LRRC26: variants seen among roughly 807,000 people sequenced by gnomAD.
LRRC26 encodes the protein leucine rich repeat containing 26, also known as leucine-rich repeat-containing protein 26.
LRRC26 carries 17 observed loss-of-function variants against 15.3 expected under a neutral mutation model. That is an observed-to-expected ratio of 1.11 (90% confidence interval 0.76 to 1.66). LRRC26 has a LOEUF of 1.66. LRRC26 is among the 40% of genes most tolerant of loss of function. The pLI is 0.00. For synonymous variants in LRRC26, 301 were observed against 272.1 expected (o/e 1.11, Z -1.05); for missense variants, 573 against 501.0 (o/e 1.14, Z -1.37).
rs1428916630 is a variant in LRRC26, at chr9:137,169,986, G to A, written c.-43C>T. Reference sequence around the variant, plus strand: ...CCCCGGCACCCGCGGTGGGAGGCCCGCTGCCTGTGCGTCCCTGGAGCCCGT... The same window carrying A: ...CCCCGGCACCCGCGGTGGGAGGCCCACTGCCTGTGCGTCCCTGGAGCCCGT... On this transcript the variant is annotated 5_prime_UTR_variant, in exon 1 of 2. Transcript: ENST00000371542. 4 of 1,381,948 alleles carry A rather than the reference G, an allele frequency of 2.9e-6. No individual in the cohort carries two copies. The highest frequency in any genetic ancestry group is 3.8e-5 in the Admixed American group (1 of 26,614). 85.6% of individuals were successfully genotyped at this position (1,381,948 alleles called of 1,614,324 possible). A position where few individuals can be genotyped will look rare whatever the true frequency, so the allele number is the denominator to read the frequency against.
chr9:137,169,943 T>TG lies in LRRC26; in HGVS notation c.-1dup. The TG allele has an allele frequency of 7.0e-7, 1 of 1,437,820 alleles. No individual in the cohort carries two copies. Among genetic ancestry groups the TG allele is most frequent in the South Asian group, 1.4e-5 (1 of 70,228 alleles). The allele number at this position is 1,437,820 out of a possible 1,614,324, so 89.1% of individuals were successfully genotyped here. A position where few individuals can be genotyped will look rare whatever the true frequency, so the allele number is the denominator to read the frequency against. On this transcript the variant is annotated 5_prime_UTR_variant, in exon 1 of 2. Coordinates refer to ENST00000371542, the MANE Select transcript of LRRC26 (RefSeq NM_001013653.3). ...GGCCGCGACCAGGAAGGGCCCCGCATGGGGGCAGCCCCCCCGCCCCCGGCA... is the reference window on the plus strand; with the variant it reads ...GGCCGCGACCAGGAAGGGCCCCGCATGGGGGGCAGCCCCCCCGCCCCCGGCA...
Position 137,169,058 on chromosome 9 carries a change from C to G in LRRC26, c.801G>C (p.Thr267=), listed in dbSNP as rs757383437. The change falls in exon 2 of 2, where the codon ACG becomes ACC. Residue 267 remains threonine (T), a synonymous_variant. Transcript: ENST00000371542. ...LALRDLAVVY[T]LGPASFLVSL... is the part of the protein sequence containing the mutation. ...TGACGAGGAAGGAGGCCGGCCCGAG[C>G]GTGTAAACCACGGCCAGGTCCCGCA... 13 of 1,552,282 alleles carry G rather than the reference C, an allele frequency of 8.4e-6. No homozygotes were observed. The highest frequency in any genetic ancestry group is 1.1e-5 in the Non-Finnish European group (13 of 1,156,400).
Position 137,170,022 on chromosome 9 carries a change from G to T in LRRC26, c.-79C>A. 1 of 1,344,276 alleles carries T rather than the reference G, an allele frequency of 7.4e-7. No individual in the cohort carries two copies. Among genetic ancestry groups the T allele is most frequent in the Non-Finnish European group, 9.5e-7 (1 of 1,052,080 alleles). 83.3% of individuals were successfully genotyped at this position (1,344,276 alleles called of 1,614,324 possible). ...GTCCCTGGAGCCCGTCGTCCGCGGA[G>T]CCCGTTCCTGCGGCGCCTGCACAAA... is the stretch of plus-strand genomic sequence containing the variant. On this transcript the variant is annotated 5_prime_UTR_variant, in exon 1 of 2. Coordinates refer to ENST00000371542, the MANE Select transcript of LRRC26 (RefSeq NM_001013653.3).
rs956320619 is a variant in LRRC26, at chr9:137,169,384, A to G, written c.560T>C (p.Leu187Pro). The G allele has an allele frequency of 1.3e-6, 2 of 1,494,846 alleles. No individual in the cohort carries two copies. Among genetic ancestry groups the G allele is most frequent in the South Asian group, 1.3e-5 (1 of 79,562 alleles). The allele number at this position is 1,494,846 out of a possible 1,614,324, so 92.6% of individuals were successfully genotyped here. A position where few individuals can be genotyped will look rare whatever the true frequency, so the allele number is the denominator to read the frequency against. ...NELAALAPGL[L>P]GRLPALDALH... ...CGCGTCTAGAGCGGGCAGGCGGCCC[A>G]GCAGCCCCGGCGCGAGTGCCGCCAG... The change falls in exon 1 of 2, where the codon CTG becomes CCG. Residue 187 changes from leucine to proline, a missense_variant. By Grantham distance (98) the Leu-to-Pro change is moderately conservative. Coordinates refer to ENST00000371542, the MANE Select transcript of LRRC26 (RefSeq NM_001013653.3).
In LRRC26 at chr9:137,169,027, C is replaced by T. The variant is rs1182229764; in HGVS notation, c.832G>A (p.Ala278Thr). ...LGPASFLVSL[A>T]SCLALGSGLT... ...CCAGAGCCCAGCGCCAGGCAGGAAG[C>T]CAGGCTGACGAGGAAGGAGGCCGGC... The change falls in exon 2 of 2, where the codon GCT (alanine) becomes ACT (threonine). Residue 278 changes from alanine to threonine, a missense_variant. Transcript: ENST00000371542. The T allele has an allele frequency of 6.6e-7, 1 of 1,520,238 alleles. No homozygotes were observed. The highest frequency in any genetic ancestry group is 2.7e-5 in the East Asian group (1 of 36,700). The allele number at this position is 1,520,238 out of a possible 1,614,324, so 94.2% of individuals were successfully genotyped here. A position where few individuals can be genotyped will look rare whatever the true frequency, so the allele number is the denominator to read the frequency against.
rs1434634190 is a variant in LRRC26 at position 137,169,609 on chromosome 9, A to G, written c.335T>C (p.Val112Ala). 3.9e-6 allele frequency: 6 copies of G among 1,520,438 alleles called. No individual in the cohort carries two copies. Among genetic ancestry groups the G allele is most frequent in the Non-Finnish European group, 5.3e-6 (6 of 1,140,428 alleles). 94.2% of individuals were successfully genotyped at this position (1,520,438 alleles called of 1,614,324 possible). A position where few individuals can be genotyped will look rare whatever the true frequency, so the allele number is the denominator to read the frequency against. Reference protein sequence around the residue: ...LRENGLHSVHVRAFWGLGALQ... With the variant: ...LRENGLHSVHARAFWGLGALQ... ...CGCGCCCAGGCCCCAGAAGGCTCGC[A>G]CATGCACCGAGTGCAGCCCGTTCTC... Residue 112 changes from valine (V) to alanine (A), a missense_variant, in exon 1 of 2, where the codon GTG becomes GCG. By Grantham distance (64) the Val-to-Ala change is moderately conservative. Transcript: ENST00000371542.
At position 137,169,887 on chromosome 9, in the gene LRRC26, C is replaced by T; in HGVS notation, c.57G>A (p.Leu19=). ...PRPLLLLLLL[L]SPWPVWAQVS... ...CCTGGGCCCAGACAGGCCAAGGCGA[C>T]AGCAGCAGCAACAGCAGCAGCAGCG... The change falls in exon 1 of 2, where the codon CTG becomes CTA. Residue 19 remains leucine, a synonymous_variant. Coordinates refer to ENST00000371542, the MANE Select transcript of LRRC26 (RefSeq NM_001013653.3). The T allele has an allele frequency of 1.4e-6, 2 of 1,480,922 alleles. No individual in the cohort carries two copies. Among genetic ancestry groups the T allele is most frequent in the African/African-American group, 2.9e-5 (2 of 67,920 alleles). 91.7% of individuals were successfully genotyped at this position (1,480,922 alleles called of 1,614,324 possible). A position where few individuals can be genotyped will look rare whatever the true frequency, so the allele number is the denominator to read the frequency against.
chr9:137,168,979 G>A lies in LRRC26; in HGVS notation c.880C>T (p.Arg294Cys). The A allele has an allele frequency of 7.0e-7, 1 of 1,437,202 alleles. No individual in the cohort carries two copies. Among genetic ancestry groups the A allele is most frequent in the Non-Finnish European group, 9.1e-7 (1 of 1,101,350 alleles). 89.0% of individuals were successfully genotyped at this position (1,437,202 alleles called of 1,614,324 possible). Residue 294 changes from arginine (R) to cysteine (C), a missense_variant, in exon 2 of 2, where the codon CGC (arginine) becomes TGC (cysteine). By Grantham distance (180) the Arg-to-Cys change is radical. Coordinates refer to ENST00000371542, the MANE Select transcript of LRRC26 (RefSeq NM_001013653.3). Reference protein sequence around the residue: ...GSGLTACRARRRRLRTAALRP... With the variant: ...GSGLTACRARCRRLRTAALRP... ...AGGGCGGCGGTGCGGAGGCGGCGGC[G>A]GCGCGCACGGCAGGCGGTGAGCCCA...
chr9:137,169,070 G>A lies in LRRC26; in HGVS notation c.789C>T (p.Ala263=), dbSNP rs749691407. The change falls in exon 2 of 2, where the codon GCC becomes GCT. Residue 263 remains alanine (A), a synonymous_variant. Coordinates refer to ENST00000371542, the MANE Select transcript of LRRC26 (RefSeq NM_001013653.3). ...AGGCCGGCCCGAGCGTGTAAACCACGGCCAGGTCCCGCAGGGCGAGCGGCT... is the reference window on the plus strand; with the variant it reads ...AGGCCGGCCCGAGCGTGTAAACCACAGCCAGGTCCCGCAGGGCGAGCGGCT... ...CAQPLALRDL[A]VVYTLGPASF... The A allele has an allele frequency of 1.3e-6, 2 of 1,557,272 alleles. No individual in the cohort carries two copies. Among genetic ancestry groups the A allele is most frequent in the South Asian group, 1.2e-5 (1 of 84,712 alleles).
chr9:137,169,915 C>A lies in LRRC26; in HGVS notation c.29G>T (p.Arg10Leu). MRGPSWSRP[R>L]PLLLLLLLLS... Reference sequence around the variant, plus strand: ...CAGCAGCAACAGCAGCAGCAGCGGCCGAGGCCGCGACCAGGAAGGGCCCCG... The same window carrying A: ...CAGCAGCAACAGCAGCAGCAGCGGCAGAGGCCGCGACCAGGAAGGGCCCCG... Residue 10 changes from arginine to leucine, a missense_variant, in exon 1 of 2, where the codon CGG becomes CTG. Physicochemically the swap from Arg to Leu is moderately radical, Grantham distance 102. Coordinates refer to ENST00000371542, the MANE Select transcript of LRRC26 (RefSeq NM_001013653.3). The A allele has an allele frequency of 6.8e-7, 1 of 1,470,280 alleles. No individual in the cohort carries two copies. Among genetic ancestry groups the A allele is most frequent in the South Asian group, 1.3e-5 (1 of 76,734 alleles). 91.1% of individuals were successfully genotyped at this position (1,470,280 alleles called of 1,614,324 possible).
At chr9:137,169,217 G>T (rs1009995734) in intron 1 of LRRC26, 32 bp from the exon 2 acceptor site, 1 of 1,398,762 alleles carries the variant, frequency 7.1e-7, no homozygotes, top group Non-Finnish European at 9.2e-7. Context: ...GCGGCGTCAG[G>T]TGGCGGCTGC....
Position 137,168,768 on chromosome 9 carries a change from G to A in LRRC26, c.*86C>T. ...AGGAATGTCACGCAGTTTTCGGTCT[G>A]TGTCGCTTGTTGACGCCGGCAGACA... On this transcript the variant is annotated 3_prime_UTR_variant, in exon 2 of 2. Transcript: ENST00000371542. The A allele has an allele frequency of 9.7e-7, 1 of 1,028,902 alleles. No individual in the cohort carries two copies. Among genetic ancestry groups the A allele is most frequent in the African/African-American group, 1.7e-5 (1 of 59,742 alleles). The allele number at this position is 1,028,902 out of a possible 1,614,324, so 63.7% of individuals were successfully genotyped here.
Position 137,169,931 on chromosome 9 carries a change from A to G in LRRC26, c.13T>C (p.Ser5Pro). The G allele has an allele frequency of 2.7e-6, 4 of 1,457,892 alleles. 1 individual carries two copies. The South Asian group carries it at 5.4e-5, about 20-fold the overall frequency. 90.3% of individuals were successfully genotyped at this position (1,457,892 alleles called of 1,614,324 possible). A position where few individuals can be genotyped will look rare whatever the true frequency, so the allele number is the denominator to read the frequency against. Reference sequence around the variant, plus strand: ...AGCAGCGGCCGAGGCCGCGACCAGGAAGGGCCCCGCATGGGGGCAGCCCCC... The same window carrying G: ...AGCAGCGGCCGAGGCCGCGACCAGGGAGGGCCCCGCATGGGGGCAGCCCCC... MRGP[S>P]WSRPRPLLLL... The change falls in exon 1 of 2, where the codon TCC becomes CCC. Residue 5 changes from serine to proline, a missense_variant. Ser to Pro is a moderately conservative substitution (Grantham distance 74, BLOSUM62 -1). Coordinates refer to ENST00000371542, the MANE Select transcript of LRRC26 (RefSeq NM_001013653.3).
chr9:137,169,495 A>AT lies in LRRC26; in HGVS notation c.448_449insA (p.Leu150TyrfsTer102). The AT allele has an allele frequency of 6.6e-7, 1 of 1,523,194 alleles. No individual in the cohort carries two copies. Among genetic ancestry groups the AT allele is most frequent in the East Asian group, 2.6e-5 (1 of 39,090 alleles). 94.4% of individuals were successfully genotyped at this position (1,523,194 alleles called of 1,614,324 possible). On this transcript the variant is annotated frameshift_variant, in exon 1 of 2. Coordinates refer to ENST00000371542, the MANE Select transcript of LRRC26 (RefSeq NM_001013653.3). LOFTEE classifies it high-confidence loss of function. ...CAGGCGCGCCAGCCGGTTGCCGGCC[A>AT]ATGAGAGGTTGCGCAGCGCGCGCAG...
rs757095079 is a variant in LRRC26, at chr9:137,169,068, AC to A, written c.790del (p.Val264TrpfsTer?). On this transcript the variant is annotated frameshift_variant, in exon 2 of 2. Transcript: ENST00000371542. LOFTEE classifies it low-confidence loss of function (END_TRUNC). ...AQPLALRDLA[V>X]VYTLGPASFL... is the part of the protein sequence containing the mutation. ...GGAGGCCGGCCCGAGCGTGTAAACCACGGCCAGGTCCCGCAGGGCGAGCGGC... is the reference window on the plus strand; with the variant it reads ...GGAGGCCGGCCCGAGCGTGTAAACCAGGCCAGGTCCCGCAGGGCGAGCGGC... 1.9e-6 allele frequency: 3 copies of A among 1,556,702 alleles called. No individual in the cohort carries two copies. In the Admixed American group the frequency reaches 5.6e-5, roughly 29 times the overall value.
In LRRC26 at chr9:137,168,895, G is replaced by C. The variant is rs1216782203; in HGVS notation, c.964C>G (p.Pro322Ala). The C allele has an allele frequency of 2.9e-5, 37 of 1,268,516 alleles. 1 individual carries two copies. Among genetic ancestry groups the C allele is most frequent in the Non-Finnish European group, 3.5e-5 (35 of 1,012,496 alleles). 78.6% of individuals were successfully genotyped at this position (1,268,516 alleles called of 1,614,324 possible). ...PDPDPHGCAS[P>A]ADPGSPAAAA... ...GCGGCGGGGCTCCCCGGGTCCGCGG[G>C]CGAGGCACAGCCGTGGGGGTCGGGA... Residue 322 changes from proline to alanine, a missense_variant, in exon 2 of 2, where the codon CCC becomes GCC. Coordinates refer to ENST00000371542, the MANE Select transcript of LRRC26 (RefSeq NM_001013653.3).
intron 1 of LRRC26, 35 bp from the exon 2 acceptor site, chr9:137,169,220 G>A: frequency 7.2e-7 from 1 of 1,395,576 alleles, no homozygotes. Flanking sequence ...GCGTCAGGTG[G>A]CGGCTGCCGC....
chr9:137,169,954 C>A lies in LRRC26; in HGVS notation c.-11G>T. On this transcript the variant is annotated 5_prime_UTR_variant, in exon 1 of 2. Transcript: ENST00000371542. ...GGAAGGGCCCCGCATGGGGGCAGCCCCCCCGCCCCCGGCACCCGCGGTGGG... is the reference window on the plus strand; with the variant it reads ...GGAAGGGCCCCGCATGGGGGCAGCCACCCCGCCCCCGGCACCCGCGGTGGG... 5.0e-6 allele frequency: 7 copies of A among 1,405,900 alleles called. No individual in the cohort carries two copies. The highest frequency in any genetic ancestry group is 3.0e-5 in the East Asian group (1 of 33,124). The allele number at this position is 1,405,900 out of a possible 1,614,324, so 87.1% of individuals were successfully genotyped here.
rs768829760 is a variant in LRRC26, at chr9:137,169,916, G to A, written c.28C>T (p.Arg10Trp). Residue 10 changes from arginine (R) to tryptophan (W), a missense_variant, in exon 1 of 2, where the codon CGG becomes TGG. Coordinates refer to ENST00000371542, the MANE Select transcript of LRRC26 (RefSeq NM_001013653.3). ...AGCAGCAACAGCAGCAGCAGCGGCC[G>A]AGGCCGCGACCAGGAAGGGCCCCGC... MRGPSWSRPRPLLLLLLLLS... is the reference protein window; with the variant it reads MRGPSWSRPWPLLLLLLLLS... 2.2e-5 allele frequency: 33 copies of A among 1,470,312 alleles called. No individual in the cohort carries two copies. Among genetic ancestry groups the A allele is most frequent in the South Asian group, 2.6e-5 (2 of 76,738 alleles). 91.1% of individuals were successfully genotyped at this position (1,470,312 alleles called of 1,614,324 possible).
Sources: allele counts gnomAD v4.1 joint callset, GRCh38; gene constraint gnomAD v4.1.1; transcripts MANE v1.5; gene names NCBI Gene and HGNC (gene_info 2026-07-23, HGNC 2026-07-21).